The following GRHL2 variants were observed in gnomAD, a reference collection of about 807,000 sequenced individuals.
GRHL2 encodes the protein grainyhead-like protein 2 homolog.
A neutral mutation model predicts 83.8 loss-of-function variants in GRHL2; 21 were observed. That is an observed-to-expected ratio of 0.25 (90% CI 0.18 to 0.36). The LOEUF is 0.36. GRHL2 is among the 10% of genes least tolerant of loss of function. The pLI, the probability that GRHL2 is intolerant of heterozygous loss-of-function variation, is 1.00. For synonymous variants in GRHL2, 280 were observed against 278.9 expected (o/e 1.00, Z -0.04); for missense variants, 623 against 781.8 (o/e 0.80, Z 2.42).
At chr8:101,544,230 G>C (rs555502226) in intron 2 of GRHL2, among the ~76,000 whole-genome samples, 25 of 152,070 alleles carry the variant, frequency 1.6e-4, no homozygotes, top group Non-Finnish European at 2.6e-4. Context: ...AAACATTCAG[G>C]GTTTCTAGAT....
intron 1 of GRHL2, among the ~76,000 whole-genome samples, chr8:101,494,611 C>A (rs1810057081): frequency 6.6e-6 from 1 of 152,120 alleles, no homozygotes; most frequent in South Asian, 2.1e-4. Flanking sequence ...TCTTTGCCTG[C>A]GTCAAAGATG....
chr8:101,570,934 G>A (rs535482828), intron 5 of GRHL2, among the ~76,000 whole-genome samples: 1 of 152,112 alleles, frequency 6.6e-6, no homozygotes, highest in East Asian at 1.9e-4. Context: ...CAATACATTG[G>A]ATCTCCCTGC....
At chr8:101,540,571 T>C (rs570458061) in intron 1 of GRHL2, among the ~76,000 whole-genome samples, 1 of 152,324 alleles carries the variant, frequency 6.6e-6, no homozygotes, top group African/African-American at 2.4e-5. Flanking sequence ...CTGCTAAACG[T>C]GCATTTCCCA....
At chr8:101,577,926 C>A (rs1441131118) in intron 7 of GRHL2, among the ~76,000 whole-genome samples, 3 of 152,228 alleles carry the variant, frequency 2.0e-5, no homozygotes, top group Non-Finnish European at 1.5e-5. Context: ...CATGTGACTA[C>A]ACATTAAGTT....
intron 1 of GRHL2, among the ~76,000 whole-genome samples, chr8:101,535,177 A>G (rs1811019458): frequency 6.6e-6 from 1 of 152,210 alleles, no homozygotes; most frequent in South Asian, 2.1e-4. Flanking sequence ...ACCCTGGACA[A>G]CTTAGTTAAC....
chr8:101,677,507 G>C, the GRHL2 span, among the ~76,000 whole-genome samples: 1 of 108,606 alleles, frequency 9.2e-6, no homozygotes, highest in Non-Finnish European at 1.8e-5. Context: ...ACCAAATAAA[G>C]TGATTAAATA....
At chr8:101,606,234 G>T (rs1184030985) in intron 8 of GRHL2, among the ~76,000 whole-genome samples, 1 of 151,570 alleles carries the variant, frequency 6.6e-6, no homozygotes, top group Non-Finnish European at 1.5e-5. Context: ...TTTATAGAGA[G>T]ATTCCTCTAA....
At chr8:101,542,747 C>T (rs1226621092) in intron 1 of GRHL2, 1 of 456,590 alleles carries the variant, frequency 2.2e-6, no homozygotes, top group South Asian at 1.5e-5. Flanking sequence ...GGGGCAGCAT[C>T]TGACCAAGGA....
At chr8:101,604,581 G>C (rs1563603472) in intron 8 of GRHL2, among the ~76,000 whole-genome samples, 2 of 151,992 alleles carry the variant, frequency 1.3e-5, no homozygotes, top group Non-Finnish European at 2.9e-5. Context: ...TGACTTTCAG[G>C]AACACTTTTC....
intron 7 of GRHL2, 42 bp from the exon 8 acceptor site, chr8:101,599,015 C>T (rs893566295): frequency 5.1e-6 from 7 of 1,371,284 alleles, no homozygotes; most frequent in Admixed American, 1.7e-5. Flanking sequence ...CACTGAGTCA[C>T]TCTTACTCCT....
At chr8:101,674,987 G>A in the GRHL2 span, among the ~76,000 whole-genome samples, 2 of 152,014 alleles carry the variant, frequency 1.3e-5, no homozygotes, top group Non-Finnish European at 2.9e-5. Flanking sequence ...ATGCAGAAAA[G>A]GCCTTTGACA....
chr8:101,494,960 A>T (rs1810064917), intron 1 of GRHL2, among the ~76,000 whole-genome samples: 1 of 152,246 alleles, frequency 6.6e-6, no homozygotes, highest in Admixed American at 6.5e-5. Flanking sequence ...AGATAATTCA[A>T]CTGGTTTGTT....
intron 2 of GRHL2, among the ~76,000 whole-genome samples, chr8:101,551,985 G>A (rs530360193): frequency 1.5e-3 from 223 of 151,692 alleles, no homozygotes; most frequent in Non-Finnish European, 2.3e-3. Context: ...ACAGGTGCCT[G>A]CCACCACGCC....
downstream of GRHL2, among the ~76,000 whole-genome samples, chr8:101,673,405 A>G (rs369140177): frequency 6.6e-5 from 10 of 151,916 alleles, no homozygotes; most frequent in East Asian, 5.8e-4. Flanking sequence ...TGCAATCCTA[A>G]TCTCTGATAA....
At chr8:101,527,592 T>C (rs1810834492) in intron 1 of GRHL2, among the ~76,000 whole-genome samples, 1 of 152,238 alleles carries the variant, frequency 6.6e-6, no homozygotes, top group Admixed American at 6.5e-5. Flanking sequence ...CTTAGTGGCA[T>C]ACATTTCATT....
At chr8:101,552,807 G>C in intron 3 of GRHL2, 25 bp downstream of exon 3, 1 of 1,605,208 alleles carries the variant, frequency 6.2e-7, no homozygotes, top group Non-Finnish European at 8.5e-7. Context: ...CTGGCCCCCA[G>C]AATAACTCTA....
At chr8:101,582,237 C>CAAAAA (rs4002335) in intron 7 of GRHL2, among the ~76,000 whole-genome samples, 3 of 134,832 alleles carry the variant, frequency 2.2e-5, no homozygotes, top group South Asian at 2.4e-4. Flanking sequence ...GACTCCGTCT[C>CAAAAA]AAAAAAAAAA....
chr8:101,532,935 A>G (rs1810969262), intron 1 of GRHL2, among the ~76,000 whole-genome samples: 1 of 152,148 alleles, frequency 6.6e-6, no homozygotes. Context: ...CTTCTTCTTA[A>G]GGAAAGGGTA....
intron 2 of GRHL2, among the ~76,000 whole-genome samples, chr8:101,548,899 C>T (rs1586083468): frequency 6.6e-6 from 1 of 152,212 alleles, no homozygotes; most frequent in East Asian, 1.9e-4. Context: ...GAGTCGCTAA[C>T]ATGTTTCAGT....
Sources: allele counts gnomAD v4.1 joint callset (sites outside exome capture counted in the v4.1 genomes callset), GRCh38; gene constraint gnomAD v4.1.1; transcripts MANE v1.5; gene names NCBI Gene and HGNC (gene_info 2026-07-23, HGNC 2026-07-21).